PTPRK: variants seen among roughly 807,000 people sequenced by gnomAD.
PTPRK encodes receptor-type tyrosine-protein phosphatase kappa.
PTPRK carries 75 observed loss-of-function variants against 178.0 expected under a neutral mutation model. That is an observed-to-expected ratio of 0.42 (90% CI 0.35 to 0.51). PTPRK has a LOEUF of 0.51. Among genes scored for constraint, PTPRK ranks in the 20% least tolerant of loss-of-function variants. The pLI is 0.02. For synonymous variants in PTPRK, 637 were observed against 620.6 expected, an observed-to-expected ratio of 1.03 and a Z score of -0.39; for missense variants, 1,441 against 1,797.8, an observed-to-expected ratio of 0.80 and a Z score of 3.59.
chr6:127,971,300 A>G (rs1773871773), intron 29 of PTPRK, among the ~76,000 whole-genome samples: 1 of 152,180 alleles, frequency 6.6e-6, no homozygotes, highest in Non-Finnish European at 1.5e-5. Context: ...AGTTCATTCA[A>G]GTGGGTAAAA....
In PTPRK at chr6:128,189,886, C is replaced by T. The variant is rs148594477; in HGVS notation, c.869-5161G>A. Among the ~76,000 whole-genome samples the T allele has an allele frequency of 3.3e-4, 51 of 152,268 alleles. No individual in the cohort carries two copies. In the East Asian group the frequency reaches 9.1e-3, roughly 27 times the overall value. ...AGGCTAAGAGGAAGAAGAAAGACAT[C>T]ATTGGACCATCTAATTCAGGCATTT... On this transcript the variant is annotated intron_variant, in intron 6 of 29. Transcript: ENST00000368226.
intron 1 of PTPRK, among the ~76,000 whole-genome samples, chr6:128,449,148 C>T (rs1370430544): frequency 6.6e-6 from 1 of 152,180 alleles, no homozygotes; most frequent in Non-Finnish European, 1.5e-5. Context: ...GCATGAGCCA[C>T]CGTGCCTGGC....
At chr6:128,297,994 A>G (rs1824802012) in intron 3 of PTPRK, among the ~76,000 whole-genome samples, 1 of 152,218 alleles carries the variant, frequency 6.6e-6, no homozygotes, top group South Asian at 2.1e-4. Context: ...CAAATAAAGA[A>G]GAAAAGAGAG....
intron 13 of PTPRK, among the ~76,000 whole-genome samples, chr6:128,013,185 A>G (rs974420223): frequency 2.0e-5 from 3 of 151,184 alleles, no homozygotes; most frequent in Non-Finnish European, 4.4e-5. Flanking sequence ...GGTACCTCCT[A>G]GTTTTCTGAG....
chr6:128,254,026 T>C (rs1172713404), intron 3 of PTPRK, among the ~76,000 whole-genome samples: 1 of 152,176 alleles, frequency 6.6e-6, no homozygotes, highest in Non-Finnish European at 1.5e-5. Flanking sequence ...TTAAACCTCT[T>C]GTAAAAAGAG....
intron 3 of PTPRK, among the ~76,000 whole-genome samples, chr6:128,254,605 C>T (rs893289595): frequency 6.6e-5 from 10 of 151,890 alleles, no homozygotes; most frequent in East Asian, 1.9e-4. Flanking sequence ...AAATTTTTGA[C>T]GATATGCTTA....
At chr6:128,202,061 A>C (rs1806059240) in intron 6 of PTPRK, among the ~76,000 whole-genome samples, 1 of 152,224 alleles carries the variant, frequency 6.6e-6, no homozygotes, top group Admixed American at 6.5e-5. Context: ...AAATGGACGA[A>C]TAAAAGCAGA....
At chr6:128,313,779 T>G (rs1030139632) in intron 3 of PTPRK, among the ~76,000 whole-genome samples, 1 of 151,916 alleles carries the variant, frequency 6.6e-6, no homozygotes, top group East Asian at 1.9e-4. Flanking sequence ...TGAGAGAAAA[T>G]AGGAAATTAC....
Position 128,322,107 on chromosome 6 carries a change from C to T in PTPRK, c.427G>A (p.Gly143Arg). ...CGAAGCCAATCTCTACCCGTGAATC[C>T]AGTCACATTCCAAATTGGATTGGCA... ...PLANPIWNVT[G>R]FTGRDWLRAE... Residue 143 changes from glycine (G) to arginine (R), a missense_variant, in exon 3 of 30, where the codon GGA (glycine) becomes AGA (arginine). Around this residue, in one of 4 missense-constraint regions of PTPRK, gnomAD observed 158 missense variants for 188.0 expected, o/e 0.84. Transcript: ENST00000368226. 1 of 1,613,930 alleles carries T rather than the reference C, an allele frequency of 6.2e-7. No homozygotes were observed. Among genetic ancestry groups the T allele is most frequent in the Non-Finnish European group, 8.5e-7 (1 of 1,179,906 alleles).
intron 7 of PTPRK, among the ~76,000 whole-genome samples, chr6:128,122,368 G>C (rs1461023571): frequency 6.6e-6 from 1 of 152,082 alleles, no homozygotes; most frequent in Non-Finnish European, 1.5e-5. Flanking sequence ...TTAGAAGATA[G>C]CTGGATAACG....
intron 2 of PTPRK, among the ~76,000 whole-genome samples, chr6:128,329,625 C>T (rs1041948049): frequency 1.3e-5 from 2 of 152,150 alleles, no homozygotes; most frequent in South Asian, 2.1e-4. Flanking sequence ...AGGCAGGAGA[C>T]TGATGTCCCA....
At chr6:128,163,595 G>C (rs1021461843) in intron 7 of PTPRK, among the ~76,000 whole-genome samples, 3 of 151,366 alleles carry the variant, frequency 2.0e-5, no homozygotes, top group Non-Finnish European at 3.0e-5. Context: ...TATTTTTTAT[G>C]CTATGGATCC....
At chr6:128,318,279 C>A (rs956660751) in intron 3 of PTPRK, among the ~76,000 whole-genome samples, 1 of 152,070 alleles carries the variant, frequency 6.6e-6, no homozygotes, top group African/African-American at 2.4e-5. Flanking sequence ...TTGGTTTAAG[C>A]CCCAATCTTT....
At chr6:128,511,974 G>C (rs951477864) in intron 1 of PTPRK, among the ~76,000 whole-genome samples, 1 of 152,058 alleles carries the variant, frequency 6.6e-6, no homozygotes, top group Non-Finnish European at 1.5e-5. Flanking sequence ...AATTGCTTTA[G>C]GAAAAGCTCT....
intron 5 of PTPRK, among the ~76,000 whole-genome samples, chr6:128,233,516 C>G (rs920978927): frequency 2.0e-5 from 3 of 152,174 alleles, no homozygotes; most frequent in East Asian, 3.9e-4. Context: ...CAATTTGCAT[C>G]TCATTTTACT....
At chr6:128,406,277 T>C (rs1201407407) in intron 1 of PTPRK, among the ~76,000 whole-genome samples, 2 of 151,630 alleles carry the variant, frequency 1.3e-5, no homozygotes, top group Non-Finnish European at 2.9e-5. Flanking sequence ...TAATTATATA[T>C]ATAAAACTTT....
At chr6:128,260,264 C>A (rs924001035) in intron 3 of PTPRK, among the ~76,000 whole-genome samples, 13 of 151,908 alleles carry the variant, frequency 8.6e-5, no homozygotes, top group Non-Finnish European at 1.9e-4. Flanking sequence ...GTGACATAAT[C>A]TGAATTATGA....
At chr6:128,484,708 G>A (rs1186116688) in intron 1 of PTPRK, among the ~76,000 whole-genome samples, 1 of 152,122 alleles carries the variant, frequency 6.6e-6, no homozygotes, top group Non-Finnish European at 1.5e-5. Context: ...TTGAGAAAAT[G>A]TTGAATTATA....
chr6:128,113,584 T>C (rs1791019496), intron 7 of PTPRK, among the ~76,000 whole-genome samples: 2 of 152,022 alleles, frequency 1.3e-5, no homozygotes, highest in African/African-American at 2.4e-5. Flanking sequence ...TTAAAGTATA[T>C]AGGAGGATAT....
Sources: gnomAD v4.1 joint callset for allele counts (sites outside exome capture counted in the v4.1 genomes callset) on GRCh38, gnomAD v4.1.1 for gene constraint, gnomAD v4.1.1 regional missense constraint, MANE v1.5 for transcripts, NCBI Gene and HGNC (gene_info 2026-07-23, HGNC 2026-07-21) for gene names.